Variants in STXBP4 observed in about 807,000 individuals in gnomAD.
The protein encoded by STXBP4 is syntaxin-binding protein 4.
Under a neutral mutation model 76.1 loss-of-function variants are expected in STXBP4, and 55 were observed. That is an observed-to-expected ratio of 0.72 (90% CI 0.58 to 0.91). The LOEUF (loss-of-function observed/expected upper bound fraction) is 0.91. Among genes scored for constraint, STXBP4 ranks in the 40% least tolerant of loss-of-function variants. The pLI is 0.00. For missense variants in STXBP4, 618 were observed against 636.9 expected (o/e 0.97, Z 0.32); for synonymous variants, 201 against 220.2 (o/e 0.91, Z 0.77).
At chr17:55,061,023 C>T (rs770853477) in intron 12 of STXBP4, among the ~76,000 whole-genome samples, 87 of 152,128 alleles carry the variant, frequency 5.7e-4, no homozygotes, top group Non-Finnish European at 8.8e-4. Context: ...CAGATAAGCC[C>T]ACTTGTAGTT....
In STXBP4 at chr17:54,999,392, A is replaced by G; in HGVS notation, c.228A>G (p.Glu76=). 6.2e-7 allele frequency: 1 copy of G among 1,613,236 alleles called. No individual in the cohort carries two copies. Among genetic ancestry groups the G allele is most frequent in the South Asian group, 1.1e-5 (1 of 90,840 alleles). Residue 76 remains glutamate (E), a synonymous_variant, in exon 5 of 18, where the codon GAA becomes GAG. Transcript: ENST00000376352. ...ATCAACTTGTCTCAGTCAACAAGGA[A>G]TCTATGATTGGTGTATCATTTGAAG... The part of the protein sequence containing the change: ...PGDQLVSVNK[E]SMIGVSFEEA...
intron 12 of STXBP4, among the ~76,000 whole-genome samples, chr17:55,048,384 AAAGT>A (rs964021614): frequency 5.3e-5 from 8 of 151,932 alleles, no homozygotes; most frequent in African/African-American, 1.9e-4. Context: ...GTGAAATAAA[AAAGT>A]ATAGAACAAA....
intron 10 of STXBP4, among the ~76,000 whole-genome samples, chr17:55,036,509 A>G (rs1039481314): frequency 6.6e-6 from 1 of 151,762 alleles, no homozygotes; most frequent in Non-Finnish European, 1.5e-5. Context: ...TTTACCTTAT[A>G]TCTTACAACC....
At chr17:55,183,812 AT>A in the STXBP4 span, among the ~76,000 whole-genome samples, 1 of 152,238 alleles carries the variant, frequency 6.6e-6, no homozygotes, top group African/African-American at 2.4e-5. Flanking sequence ...ATAATAAAAA[AT>A]GGTTTAATTT....
Position 55,111,574 on chromosome 17 carries a change from CA to C in STXBP4, c.1490-29734del, listed in dbSNP as rs377408122. On this transcript the variant is annotated intron_variant, in intron 16 of 17. Coordinates refer to ENST00000376352, the MANE Select transcript of STXBP4 (RefSeq NM_178509.6). ...GTCCTCATGAGAGTACCTGAGTTCA[CA>C]AGAGATCTGGTTGTTTAAAAGTGTG... Among the ~76,000 whole-genome samples, 249 of 152,178 alleles carry C rather than the reference CA, an allele frequency of 1.6e-3. 2 individuals are homozygous for C. Among genetic ancestry groups the C allele is most frequent in the African/African-American group, 5.5e-3 (230 of 41,512 alleles).
intron 16 of STXBP4, among the ~76,000 whole-genome samples, chr17:55,081,561 C>A (rs947044522): frequency 2.0e-5 from 3 of 152,104 alleles, no homozygotes; most frequent in African/African-American, 7.2e-5. Context: ...CAAAAGACCC[C>A]AAAACACAAA....
intron 7 of STXBP4, among the ~76,000 whole-genome samples, chr17:55,006,738 G>T (rs1333373932): frequency 1.3e-5 from 2 of 152,098 alleles, no homozygotes; most frequent in Non-Finnish European, 2.9e-5. Context: ...AAGATTTTTA[G>T]CTCAAAGTAC....
At chr17:54,997,801 T>A (rs2077838817) in intron 4 of STXBP4, among the ~76,000 whole-genome samples, 1 of 148,950 alleles carries the variant, frequency 6.7e-6, no homozygotes, top group Non-Finnish European at 1.5e-5. Context: ...TTGCCCAGGC[T>A]GGTCTTGAAC....
At chr17:55,123,382 GT>G (rs958884713) in intron 16 of STXBP4, among the ~76,000 whole-genome samples, 3 of 152,192 alleles carry the variant, frequency 2.0e-5, no homozygotes, top group South Asian at 4.2e-4. Flanking sequence ...TTGCATGCAG[GT>G]TTTTTTCCTG....
chr17:55,103,583 T>TTTTC (rs2079592687), intron 16 of STXBP4, among the ~76,000 whole-genome samples: 1 of 151,846 alleles, frequency 6.6e-6, no homozygotes, highest in African/African-American at 2.4e-5. Context: ...AGTTTTGTTT[T>TTTTC]TTTTTTGCTT....
At chr17:55,111,977 A>G (rs1433838901) in intron 16 of STXBP4, among the ~76,000 whole-genome samples, 1 of 152,104 alleles carries the variant, frequency 6.6e-6, no homozygotes, top group East Asian at 1.9e-4. Context: ...GTGCAATAGC[A>G]CAGTCATAGC....
At chr17:55,027,817 T>C (rs1056869560) in intron 8 of STXBP4, among the ~76,000 whole-genome samples, 1 of 152,174 alleles carries the variant, frequency 6.6e-6, no homozygotes, top group South Asian at 2.1e-4. Context: ...TCTGGTGAAA[T>C]ACCATATCCA....
chr17:55,054,191 G>C (rs531187300), intron 12 of STXBP4, among the ~76,000 whole-genome samples: 1 of 152,136 alleles, frequency 6.6e-6, no homozygotes, highest in East Asian at 1.9e-4. Context: ...ATCTTATATG[G>C]TTCACAGTGA....
In STXBP4 at chr17:54,999,830, A is replaced by G. The variant is rs762079111; in HGVS notation, c.486A>G (p.Leu162=). The part of the protein sequence containing the change: ...SSTPKTNNDI[L]SSCEIKTGYN... ...CTCCCAAAACAAATAATGACATTTT[A>G]TCTTCTTGTGAGGTAAGTCAGGTAA... The change falls in exon 6 of 18, where the codon TTA becomes TTG. Residue 162 remains leucine (L), a synonymous_variant. Coordinates refer to ENST00000376352, the MANE Select transcript of STXBP4 (RefSeq NM_178509.6). 6.2e-7 allele frequency: 1 copy of G among 1,610,516 alleles called. No homozygotes were observed. The highest frequency in any genetic ancestry group is 8.5e-7 in the Non-Finnish European group (1 of 1,177,412).
At chr17:54,970,092 T>G (rs1056638733) in intron 1 of STXBP4, among the ~76,000 whole-genome samples, 1 of 151,966 alleles carries the variant, frequency 6.6e-6, no homozygotes, top group Admixed American at 6.6e-5. Flanking sequence ...AGGAAAGAGA[T>G]AGAATGATTG....
rs553809948 is a variant in STXBP4 at position 55,068,331 on chromosome 17, A to G, written c.1012-4569A>G. On this transcript the variant is annotated intron_variant, in intron 12 of 17. Coordinates refer to ENST00000376352, the MANE Select transcript of STXBP4 (RefSeq NM_178509.6). ...CAGTCTCATTTTTCTCCTGTCACCT[A>G]TTGACATTTTGAAAGATTTACTGAT... 3.9e-5 allele frequency among the ~76,000 whole-genome samples: 6 copies of G among 152,226 alleles called. No homozygotes were observed. The East Asian group carries it at 7.7e-4, about 20-fold the overall frequency.
intron 13 of STXBP4, 69 bp from the exon 14 acceptor site, chr17:55,078,009 C>A: frequency 3.2e-6 from 3 of 935,220 alleles, no homozygotes; most frequent in South Asian, 1.8e-5. Flanking sequence ...TTCATAAAAA[C>A]TGAAAATAGG....
chr17:55,176,627 G>A (rs2080431951), downstream of STXBP4, among the ~76,000 whole-genome samples: 1 of 152,216 alleles, frequency 6.6e-6, no homozygotes, highest in Non-Finnish European at 1.5e-5. Context: ...TTAATTTTAT[G>A]TGTCAGTTTT....
chr17:55,195,833 G>C, the STXBP4 span, among the ~76,000 whole-genome samples: 2 of 151,836 alleles, frequency 1.3e-5, no homozygotes, highest in African/African-American at 4.9e-5. Flanking sequence ...TCAACCAGCA[G>C]AGATTTTTGG....
Sources: gnomAD v4.1 joint callset for allele counts (sites outside exome capture counted in the v4.1 genomes callset) on GRCh38, gnomAD v4.1.1 for gene constraint, MANE v1.5 for transcripts, NCBI Gene and HGNC (gene_info 2026-07-23, HGNC 2026-07-21) for gene names.